The following TBCK variants were observed in gnomAD, a reference collection of about 807,000 sequenced individuals.
TBCK encodes the protein TBC1 domain containing kinase, also known as TBC domain-containing protein kinase-like protein.
A neutral mutation model predicts 113.4 loss-of-function variants in TBCK; 99 were observed. That is an observed-to-expected ratio of 0.87 (90% CI 0.74 to 1.03). The LOEUF (loss-of-function observed/expected upper bound fraction) is 1.03. Among genes scored for constraint, TBCK ranks in the 50% least tolerant of loss-of-function variants. The pLI is 0.00. For missense variants in TBCK, 1,045 were observed against 1,061.3 expected (o/e 0.98, Z 0.21); for synonymous variants, 369 against 370.8 (o/e 1.00, Z 0.05).
At chr4:106,313,650 G>A (rs980271760) in intron 1 of TBCK, among the ~76,000 whole-genome samples, 1 of 152,184 alleles carries the variant, frequency 6.6e-6, no homozygotes, top group Non-Finnish European at 1.5e-5. Context: ...CAGGATAGGA[G>A]CAATACAAAA....
chr4:106,280,174 CTGATGATAAA>C (rs1366488016), intron 3 of TBCK, among the ~76,000 whole-genome samples: 6 of 152,230 alleles, frequency 3.9e-5, no homozygotes, highest in African/African-American at 1.4e-4. Context: ...TTGCATTTCT[CTGATGATAAA>C]TGATGTTCAG....
At chr4:106,278,307 T>C in intron 3 of TBCK, among the ~76,000 whole-genome samples, 1 of 151,972 alleles carries the variant, frequency 6.6e-6, no homozygotes, top group Non-Finnish European at 1.5e-5. Context: ...CCTGTAATCC[T>C]AGCATTTCGG....
rs180760401 is a variant in TBCK, at chr4:106,100,100, T to C, written c.2412-4459A>G. 2.0e-5 allele frequency among the ~76,000 whole-genome samples: 3 copies of C among 152,342 alleles called. No homozygotes were observed. In the East Asian group the frequency reaches 5.8e-4, roughly 29 times the overall value. On this transcript the variant is annotated intron_variant, in intron 24 of 25. Transcript: ENST00000394708. ...ATCCATCCTTCAAATGTTTCATCCA[T>C]GAAAGTTTCCCTTCCCACAGTATCT...
chr4:106,287,511 A>AT (rs1318118635), intron 3 of TBCK, among the ~76,000 whole-genome samples: 2 of 152,202 alleles, frequency 1.3e-5, no homozygotes, highest in Admixed American at 1.3e-4. Context: ...AACACAGAAT[A>AT]CAGTTAATGG....
intron 3 of TBCK, among the ~76,000 whole-genome samples, chr4:106,273,014 G>C (rs1215588815): frequency 6.6e-6 from 1 of 152,122 alleles, no homozygotes; most frequent in Non-Finnish European, 1.5e-5. Flanking sequence ...CAATGATAAA[G>C]ATAACCATAC....
intron 23 of TBCK, among the ~76,000 whole-genome samples, chr4:106,124,124 G>C (rs1253217357): frequency 1.3e-5 from 2 of 151,880 alleles, no homozygotes; most frequent in East Asian, 1.9e-4. Flanking sequence ...CTAATATCCA[G>C]AATCTACAAT....
intron 23 of TBCK, among the ~76,000 whole-genome samples, chr4:106,157,433 T>C (rs1749257992): frequency 6.6e-6 from 1 of 152,080 alleles, no homozygotes; most frequent in African/African-American, 2.4e-5. Context: ...GTTGCAGTCC[T>C]TGTGGCCTAC....
chr4:106,185,248 T>C (rs920453608), intron 22 of TBCK, among the ~76,000 whole-genome samples: 6 of 152,066 alleles, frequency 3.9e-5, no homozygotes, highest in African/African-American at 1.4e-4. Flanking sequence ...TCTGGTATAT[T>C]ATTTCTATAA....
chr4:106,115,636 T>C (rs1007756302), intron 24 of TBCK, among the ~76,000 whole-genome samples: 2 of 152,030 alleles, frequency 1.3e-5, no homozygotes, highest in African/African-American at 2.4e-5. Flanking sequence ...ATAATGAAAA[T>C]AGAAGGAGAA....
At chr4:106,305,333 AAT>A (rs1287648274) in intron 2 of TBCK, among the ~76,000 whole-genome samples, 3 of 152,086 alleles carry the variant, frequency 2.0e-5, no homozygotes, top group Admixed American at 6.6e-5. Flanking sequence ...GTTTCCTAGA[AAT>A]ATGTCAACAA....
At chr4:106,081,295 T>G (rs1030543135) in intron 25 of TBCK, among the ~76,000 whole-genome samples, 3 of 152,174 alleles carry the variant, frequency 2.0e-5, no homozygotes, top group Admixed American at 6.5e-5. Flanking sequence ...TGCACATCAA[T>G]GATAGACTGG....
chr4:106,118,644 A>T (rs1212947786), intron 23 of TBCK, among the ~76,000 whole-genome samples: 1 of 152,204 alleles, frequency 6.6e-6, no homozygotes, highest in Non-Finnish European at 1.5e-5. Context: ...CTTTTTGATT[A>T]GCCCAGTTCC....
At chr4:106,114,214 G>T (rs1163442602) in intron 24 of TBCK, among the ~76,000 whole-genome samples, 1 of 152,160 alleles carries the variant, frequency 6.6e-6, no homozygotes, top group Admixed American at 6.5e-5. Flanking sequence ...AGGGTGGTGG[G>T]AAAAATTGTA....
chr4:106,236,351 A>T, intron 14 of TBCK, 39 bp downstream of exon 14: 16 of 1,340,332 alleles, frequency 1.2e-5, no homozygotes, highest in Non-Finnish European at 1.5e-5. Context: ...AAAATTCCAT[A>T]TGGGCTATTG....
At chr4:106,309,459 C>T (rs765259743) in intron 1 of TBCK, among the ~76,000 whole-genome samples, 13 of 151,872 alleles carry the variant, frequency 8.6e-5, no homozygotes, top group African/African-American at 9.7e-5. Flanking sequence ...CCCACGACCA[C>T]ACCCAGTTAA....
At chr4:106,069,541 ACTGTAGC>A (rs1184421617) in intron 25 of TBCK, among the ~76,000 whole-genome samples, 1 of 152,184 alleles carries the variant, frequency 6.6e-6, no homozygotes, top group Non-Finnish European at 1.5e-5. Flanking sequence ...TGTTTTGGTT[ACTGTAGC>A]CTTGTAGTAT....
chr4:106,175,358 ATTT>A (rs34198925), intron 22 of TBCK, among the ~76,000 whole-genome samples: 12 of 137,262 alleles, frequency 8.7e-5, no homozygotes, highest in East Asian at 2.1e-4. Context: ...ATCAGATTGA[ATTT>A]TTTTTTTTTT....
At chr4:106,203,283 CAT>C (rs10565641) in intron 20 of TBCK, among the ~76,000 whole-genome samples, 110,262 of 146,316 alleles carry the variant, frequency 0.75, 41,697 homozygotes, top group Non-Finnish European at 0.8. Flanking sequence ...TATATTTTCA[CAT>C]ATATATATAT....
chr4:106,202,019 AT>A (rs1288300855), intron 20 of TBCK, among the ~76,000 whole-genome samples: 1 of 152,006 alleles, frequency 6.6e-6, no homozygotes, highest in African/African-American at 2.4e-5. Flanking sequence ...AACCTTTAGG[AT>A]TATTGTGAAG....
Sources: allele counts gnomAD v4.1 joint callset (sites outside exome capture counted in the v4.1 genomes callset), GRCh38; gene constraint gnomAD v4.1.1; transcripts MANE v1.5; gene names NCBI Gene and HGNC (gene_info 2026-07-23, HGNC 2026-07-21).